The following TTC7B variants were observed in gnomAD, a reference collection of about 807,000 sequenced individuals.
The protein encoded by TTC7B is tetratricopeptide repeat protein 7B.
A neutral mutation model predicts 106.8 loss-of-function variants in TTC7B; 28 were observed. That is an observed-to-expected ratio of 0.26 (90% CI 0.19 to 0.36). TTC7B has a LOEUF of 0.36. Among genes scored for constraint, TTC7B ranks in the 10% least tolerant of loss-of-function variants. The probability of loss-of-function intolerance (pLI) is 1.00; values close to 1 mark genes in which losing one functional copy is unlikely to be tolerated. For synonymous variants in TTC7B, 405 were observed against 430.6 expected, an observed-to-expected ratio of 0.94 and a Z score of 0.74; for missense variants, 862 against 1,076.4, an observed-to-expected ratio of 0.80 and a Z score of 2.79.
At chr14:90,665,070 G>A (rs749706805) in intron 9 of TTC7B, among the ~76,000 whole-genome samples, 1 of 152,156 alleles carries the variant, frequency 6.6e-6, no homozygotes, top group South Asian at 2.1e-4. Flanking sequence ...GGATGGCAGT[G>A]TGGGCCTAGG....
At chr14:90,801,222 CAAAA>C (rs67620286) in intron 1 of TTC7B, among the ~76,000 whole-genome samples, 2 of 70,940 alleles carry the variant, frequency 2.8e-5, no homozygotes, top group Non-Finnish European at 5.3e-5. Context: ...AAGACCCTAT[CAAAA>C]AAAAAAAAAA....
intron 3 of TTC7B, among the ~76,000 whole-genome samples, chr14:90,758,931 G>A (rs1890409541): frequency 6.6e-6 from 1 of 152,228 alleles, no homozygotes; most frequent in Non-Finnish European, 1.5e-5. Context: ...ACAGTGTCTA[G>A]AAGGAATTAT....
intron 17 of TTC7B, among the ~76,000 whole-genome samples, chr14:90,595,084 A>G (rs1178665610): frequency 1.3e-5 from 2 of 152,240 alleles, no homozygotes; most frequent in African/African-American, 4.8e-5. Flanking sequence ...CTATAATCCC[A>G]GCACTTTGGG....
rs1889266958 is a variant in TTC7B, at chr14:90,530,870, C to G, written c.*10498G>C. 1 of 152,130 alleles carries G rather than the reference C, an allele frequency of 6.6e-6. No homozygotes were observed. Among genetic ancestry groups the G allele is most frequent in the African/African-American group, 2.4e-5 (1 of 41,408 alleles). The allele number at this position is 152,130 out of a possible 1,614,324, so 9.4% of individuals were successfully genotyped here. A position where few individuals can be genotyped will look rare whatever the true frequency, so the allele number is the denominator to read the frequency against. ...GTTTTATTGGGTGCAGTGTATACTG[C>G]TCGGGTGATGGGTGCACCAAAATCT... On this transcript the variant is annotated 3_prime_UTR_variant, in exon 20 of 20. Transcript: ENST00000328459.
chr14:90,665,141 G>A (rs1886361154), intron 9 of TTC7B, among the ~76,000 whole-genome samples: 1 of 152,154 alleles, frequency 6.6e-6, no homozygotes, highest in African/African-American at 2.4e-5. Flanking sequence ...AACAGCAGGT[G>A]ACATCTCCAA....
chr14:90,654,240 T>C (rs1376402758), intron 12 of TTC7B, among the ~76,000 whole-genome samples: 3 of 152,198 alleles, frequency 2.0e-5, no homozygotes, highest in African/African-American at 7.2e-5. Flanking sequence ...CTCAGCAGGG[T>C]AATGACTACA....
chr14:90,588,658 C>T (rs2139816532), intron 18 of TTC7B, among the ~76,000 whole-genome samples: 1 of 152,298 alleles, frequency 6.6e-6, no homozygotes, highest in East Asian at 1.9e-4. Context: ...AAGGTGCTCA[C>T]TTCTATCCAG....
chr14:90,715,908 G>A (rs777473149), intron 5 of TTC7B, among the ~76,000 whole-genome samples: 2 of 152,082 alleles, frequency 1.3e-5, no homozygotes, highest in African/African-American at 2.4e-5. Context: ...CAATACTTCC[G>A]CCTTCCTCCT....
At chr14:90,797,978 G>GT (rs2029985296) in intron 1 of TTC7B, among the ~76,000 whole-genome samples, 1 of 152,196 alleles carries the variant, frequency 6.6e-6, no homozygotes, top group Non-Finnish European at 1.5e-5. Context: ...CCCATGCTCT[G>GT]TGGCCTCTTG....
chr14:90,778,288 G>C (rs1036767672), intron 3 of TTC7B, among the ~76,000 whole-genome samples: 7 of 152,190 alleles, frequency 4.6e-5, no homozygotes, highest in African/African-American at 1.2e-4. Flanking sequence ...AACCTCATGG[G>C]CGGGGTGACC....
Position 90,744,875 on chromosome 14 carries a change from G to A in TTC7B, c.493C>T (p.His165Tyr). The part of the protein sequence containing the change: ...LPISSSTSNL[H>Y]VDREQDVITC... ...ATGACATCCTGTTCCCGGTCCACAT[G>A]GAGATTACTGGTAGAAGAAGAAATA... The change falls in exon 4 of 20, where the codon CAT (histidine) becomes TAT (tyrosine). Residue 165 changes from histidine to tyrosine, a missense_variant. Transcript: ENST00000328459. The A allele has an allele frequency of 1.9e-6, 3 of 1,613,976 alleles. No individual in the cohort carries two copies. Among genetic ancestry groups the A allele is most frequent in the South Asian group, 1.1e-5 (1 of 91,074 alleles).
intron 9 of TTC7B, among the ~76,000 whole-genome samples, chr14:90,666,859 G>A (rs959006016): frequency 2.6e-5 from 4 of 152,194 alleles, no homozygotes; most frequent in Non-Finnish European, 5.9e-5. Flanking sequence ...GAATTTGAAT[G>A]CTGGATGCGG....
At chr14:90,566,879 C>T (rs1318669388) in intron 19 of TTC7B, among the ~76,000 whole-genome samples, 1 of 152,212 alleles carries the variant, frequency 6.6e-6, no homozygotes, top group Non-Finnish European at 1.5e-5. Flanking sequence ...CCATTCTCTC[C>T]TTTCCCCAGG....
chr14:90,593,758 C>T, intron 17 of TTC7B, 132 bp from the exon 18 acceptor site: 2 of 933,038 alleles, frequency 2.1e-6, no homozygotes, highest in Non-Finnish European at 2.9e-6. Context: ...TTACTGTCCA[C>T]AGAGAAACGC....
intron 3 of TTC7B, among the ~76,000 whole-genome samples, chr14:90,761,964 A>G (rs1241967566): frequency 6.6e-6 from 1 of 152,196 alleles, no homozygotes; most frequent in Admixed American, 6.5e-5. Context: ...AGTTCTTTCA[A>G]ATAAAGGGAA....
At chr14:90,765,211 T>G (rs1309879618) in intron 3 of TTC7B, among the ~76,000 whole-genome samples, 1 of 152,106 alleles carries the variant, frequency 6.6e-6, no homozygotes, top group Non-Finnish European at 1.5e-5. Flanking sequence ...ATACAAAAAG[T>G]CAAGTGCATG....
At chr14:90,708,703 C>T (rs1038942592) in intron 5 of TTC7B, among the ~76,000 whole-genome samples, 5 of 152,174 alleles carry the variant, frequency 3.3e-5, no homozygotes, top group African/African-American at 1.2e-4. Flanking sequence ...ACACAACATC[C>T]ATTCTGTAGC....
chr14:90,789,135 CT>C (rs1247975990), intron 1 of TTC7B, among the ~76,000 whole-genome samples: 1 of 152,130 alleles, frequency 6.6e-6, no homozygotes, highest in African/African-American at 2.4e-5. Flanking sequence ...GAGTTTCGCT[CT>C]TGTCGCCCAG....
At chr14:90,620,120 A>G (rs1221856213) in intron 15 of TTC7B, among the ~76,000 whole-genome samples, 2 of 152,052 alleles carry the variant, frequency 1.3e-5, no homozygotes, top group African/African-American at 2.4e-5. Flanking sequence ...CGGTGCTCCC[A>G]GTGGGGCCAC....
Sources: gnomAD v4.1 joint callset for allele counts (sites outside exome capture counted in the v4.1 genomes callset) on GRCh38, gnomAD v4.1.1 for gene constraint, MANE v1.5 for transcripts, NCBI Gene and HGNC (gene_info 2026-07-23, HGNC 2026-07-21) for gene names.